COL4A5: variants seen among roughly 807,000 people sequenced by gnomAD.
The protein encoded by COL4A5 is collagen alpha-5(IV) chain.
In COL4A5, 26 loss-of-function variants were observed where a neutral mutation model predicts 130.2. The observed-to-expected ratio is 0.20, with a 90% CI of 0.15 to 0.28. COL4A5 has a LOEUF of 0.28. Among genes scored for constraint, COL4A5 ranks in the 10% least tolerant of loss-of-function variants. The probability of loss-of-function intolerance (pLI) is 1.00; values close to 1 mark genes in which losing one functional copy is unlikely to be tolerated. For synonymous variants in COL4A5, 496 were observed against 439.6 expected (o/e 1.13, Z -1.60); for missense variants, 1,131 against 1,344.3 (o/e 0.84, Z 2.48).
At chrX:108,477,409 T>G (rs1277125700) in intron 1 of COL4A5, among the ~76,000 whole-genome samples, 1 of 111,868 alleles carries the variant, frequency 8.9e-6, no homozygotes, top group Non-Finnish European at 1.9e-5. Flanking sequence ...GTTAACATAC[T>G]TAAATGCTGA....
At chrX:108,671,934 A>G (rs2068215596) in intron 42 of COL4A5, among the ~76,000 whole-genome samples, 1 of 112,037 alleles carries the variant, frequency 8.9e-6, no homozygotes, top group Non-Finnish European at 1.9e-5. Context: ...TTTGTCACAT[A>G]TGAAAAAATG....
At chrX:108,603,876 C>A (rs753082631) in intron 28 of COL4A5, among the ~76,000 whole-genome samples, 1 of 112,150 alleles carries the variant, frequency 8.9e-6, no homozygotes, top group African/African-American at 3.2e-5. Context: ...CAACACTGTT[C>A]CCAGCATCTT....
intron 36 of COL4A5, among the ~76,000 whole-genome samples, chrX:108,635,143 G>T (rs2067330470): frequency 9.0e-6 from 1 of 110,953 alleles, no homozygotes; most frequent in Non-Finnish European, 1.9e-5. Context: ...GCAGAAATTT[G>T]AGTCCTGGGT....
chrX:108,451,311 G>T (rs1375955678), intron 1 of COL4A5, among the ~76,000 whole-genome samples: 2 of 110,508 alleles, frequency 1.8e-5, no homozygotes, highest in Non-Finnish European at 3.8e-5. Context: ...ACATACGTGT[G>T]CATGTGTCTT....
intron 29 of COL4A5, among the ~76,000 whole-genome samples, chrX:108,614,453 AGAT>A (rs1388035972): frequency 2.7e-5 from 3 of 111,785 alleles, no homozygotes; most frequent in African/African-American, 9.7e-5. Context: ...GACAGACAGA[AGAT>A]GGAGAGATGG....
chrX:108,546,980 C>G (rs1181775226), intron 2 of COL4A5, among the ~76,000 whole-genome samples: 3 of 112,062 alleles, frequency 2.7e-5, no homozygotes, highest in African/African-American at 9.7e-5. Context: ...AAGGACTTCT[C>G]TGCATTGGTT....
intron 2 of COL4A5, among the ~76,000 whole-genome samples, chrX:108,541,916 A>G (rs1422993213): frequency 8.9e-6 from 1 of 111,776 alleles, no homozygotes; most frequent in Non-Finnish European, 1.9e-5. Flanking sequence ...TCCAGTATGC[A>G]ATTAAAAATT....
At chrX:108,638,667 T>A (rs1349050682) in intron 36 of COL4A5, among the ~76,000 whole-genome samples, 1 of 111,710 alleles carries the variant, frequency 9.0e-6, no homozygotes, top group Admixed American at 9.5e-5. Context: ...TGTAGAAAAC[T>A]CTACAAAGAT....
At chrX:108,542,310 A>C (rs1300419514) in intron 2 of COL4A5, among the ~76,000 whole-genome samples, 2 of 88,231 alleles carry the variant, frequency 2.3e-5, no homozygotes, top group African/African-American at 9.1e-5. Context: ...TCCTGTGTCC[A>C]AGTGTTCTCA....
At chrX:108,696,274 T>C (rs2068731214) in intron 52 of COL4A5, 23 bp from the exon 53 acceptor site, 1 of 1,152,288 alleles carries the variant, frequency 8.7e-7, no homozygotes, top group Admixed American at 2.2e-5. Context: ...GTGGATCTGA[T>C]TGTCTTATTT....
chrX:108,547,470 G>T (rs758279752), intron 2 of COL4A5, among the ~76,000 whole-genome samples: 15 of 111,667 alleles, frequency 1.3e-4, no homozygotes, highest in Non-Finnish European at 2.6e-4. Flanking sequence ...TCCTCTGGAA[G>T]TTTCATCTCA....
intron 45 of COL4A5, 58 bp from the exon 46 acceptor site, chrX:108,680,827 T>A: frequency 8.4e-7 from 1 of 1,187,503 alleles, no homozygotes; most frequent in Non-Finnish European, 1.1e-6. Context: ...CTGATTTGAC[T>A]GGGTAAAGGT....
At chrX:108,567,327 G>T (rs1229873043) in intron 4 of COL4A5, among the ~76,000 whole-genome samples, 1 of 111,820 alleles carries the variant, frequency 8.9e-6, no homozygotes, top group Non-Finnish European at 1.9e-5. Context: ...CATTTTTAAT[G>T]ATTTCCTTTT....
chrX:108,595,110 G>A (rs758169243), intron 21 of COL4A5, among the ~76,000 whole-genome samples: 1 of 111,645 alleles, frequency 9.0e-6, no homozygotes, highest in East Asian at 2.8e-4. Flanking sequence ...CTATCTGCCT[G>A]CCTCGGGCTC....
Position 108,598,857 on chromosome X carries a change from G to A in COL4A5, c.1935G>A (p.Gln645=), listed in dbSNP as rs1421865713. 3 of 1,209,608 alleles carry A rather than the reference G, an allele frequency of 2.5e-6. No homozygotes were observed. In the Admixed American group the frequency reaches 6.6e-5, roughly 26 times the overall value. The part of the protein sequence containing the change: ...GIQGVAGNPG[Q]PGIPGPKGDP... The stretch of plus-strand genomic sequence containing the variant: ...AAGGTGTGGCAGGAAATCCAGGCCA[G>A]CCAGGAATACCAGGTAAGTTTACTG... The change falls in exon 25 of 53, where the codon CAG becomes CAA. Residue 645 remains glutamine (Q), a synonymous_variant. Transcript: ENST00000328300.
chrX:108,497,937 A>G (rs2065048311), intron 1 of COL4A5, among the ~76,000 whole-genome samples: 1 of 111,472 alleles, frequency 9.0e-6, no homozygotes, highest in South Asian at 3.7e-4. Flanking sequence ...ACATTTCACA[A>G]AAGTTTTCTT....
chrX:108,590,988 T>C, intron 19 of COL4A5, 70 bp from the exon 20 acceptor site: 1 of 949,279 alleles, frequency 1.1e-6, no homozygotes, highest in African/African-American at 1.9e-5. Flanking sequence ...TATCATTATC[T>C]AATGTCTCAA....
chrX:108,471,746 C>T (rs1392069917), intron 1 of COL4A5, among the ~76,000 whole-genome samples: 1 of 111,441 alleles, frequency 9.0e-6, no homozygotes, highest in African/African-American at 3.3e-5. Flanking sequence ...CAGCTTTTGC[C>T]CTTGCGGTAT....
At chrX:108,552,785 G>T (rs1193259041) in intron 2 of COL4A5, among the ~76,000 whole-genome samples, 1 of 111,831 alleles carries the variant, frequency 8.9e-6, no homozygotes, top group Non-Finnish European at 1.9e-5. Context: ...AATTTAACAA[G>T]CTGATCCTAA....
Sources: gnomAD v4.1 joint callset for allele counts (sites outside exome capture counted in the v4.1 genomes callset) on GRCh38, gnomAD v4.1.1 for gene constraint, MANE v1.5 for transcripts, NCBI Gene and HGNC (gene_info 2026-07-23, HGNC 2026-07-21) for gene names.